Variants in TAPT1 observed in about 807,000 individuals in gnomAD.
TAPT1 encodes the protein transmembrane anterior posterior transformation 1.
In TAPT1, 28 loss-of-function variants were observed where a neutral mutation model predicts 65.6. The ratio of observed to expected loss-of-function variants is 0.43; its 90% CI spans 0.32 to 0.59. The LOEUF is 0.59. Ranked by LOEUF, TAPT1 falls within the 20% of genes least tolerant of loss-of-function variation. The pLI, the probability that TAPT1 is intolerant of heterozygous loss-of-function variation, is 0.09. For synonymous variants in TAPT1, 278 were observed against 245.2 expected (o/e 1.13, Z -1.25); for missense variants, 563 against 679.9 (o/e 0.83, Z 1.91).
chr4:16,188,607 T>C (rs1268829244), intron 4 of TAPT1, among the ~76,000 whole-genome samples: 1 of 152,124 alleles, frequency 6.6e-6, no homozygotes, highest in African/African-American at 2.4e-5. Flanking sequence ...AAGTCTTAAA[T>C]AGTGGCAAAA....
intron 12 of TAPT1, among the ~76,000 whole-genome samples, chr4:16,169,816 A>T (rs377141715): frequency 6.6e-6 from 1 of 152,212 alleles, no homozygotes; most frequent in African/African-American, 2.4e-5. Flanking sequence ...GGCAGGAAAC[A>T]ATGTGAAAAA....
intron 12 of TAPT1, among the ~76,000 whole-genome samples, chr4:16,169,874 C>T (rs1256674557): frequency 1.3e-5 from 2 of 152,218 alleles, no homozygotes; most frequent in South Asian, 4.1e-4. Flanking sequence ...ATCCACCGCT[C>T]AAGTTGTGAC....
intron 3 of TAPT1, among the ~76,000 whole-genome samples, chr4:16,193,250 G>A (rs1021880027): frequency 2.0e-5 from 3 of 152,204 alleles, no homozygotes; most frequent in African/African-American, 7.2e-5. Context: ...GCCTAAATAA[G>A]AGAGAGGTCA....
At chr4:16,190,361 TG>T (rs1438451835) in intron 4 of TAPT1, 2 of 151,644 alleles carry the variant, frequency 1.3e-5, no homozygotes, top group Non-Finnish European at 2.9e-5. Flanking sequence ...TTCCCCGAGA[TG>T]GAGTCTCGCT....
At chr4:16,226,030 T>G (rs1256001443) in intron 1 of TAPT1, 1 of 1,005,782 alleles carries the variant, frequency 9.9e-7, no homozygotes, top group Non-Finnish European at 1.2e-6. Flanking sequence ...ACACCTGGCC[T>G]GGCGCGGCCG....
intron 11 of TAPT1, among the ~76,000 whole-genome samples, chr4:16,172,860 T>C (rs1274030111): frequency 1.3e-5 from 2 of 152,068 alleles, no homozygotes; most frequent in African/African-American, 4.8e-5. Context: ...GTGTTGCTCT[T>C]GTTGCCTAGG....
intron 3 of TAPT1, among the ~76,000 whole-genome samples, chr4:16,197,576 A>G (rs1749788129): frequency 6.6e-6 from 1 of 152,234 alleles, no homozygotes; most frequent in South Asian, 2.1e-4. Context: ...CAATTCTACA[A>G]GCAAATTTGG....
In TAPT1 at chr4:16,213,749, A is replaced by G; in HGVS notation, c.330+19T>C. 1.3e-6 allele frequency: 2 copies of G among 1,534,428 alleles called. No individual in the cohort carries two copies. The highest frequency in any genetic ancestry group is 1.7e-6 in the Non-Finnish European group (2 of 1,148,926). ...CATAACTTTCAAAATGATGTCTGGT[A>G]ATGAAGAAAAAATAGTACCTTTTCC... On this transcript the variant is annotated intron_variant, in intron 2 of 13. Coordinates refer to ENST00000405303, the MANE Select transcript of TAPT1 (RefSeq NM_153365.3).
intron 3 of TAPT1, among the ~76,000 whole-genome samples, chr4:16,196,266 C>G (rs759709177): frequency 6.6e-6 from 1 of 152,082 alleles, no homozygotes; most frequent in Non-Finnish European, 1.5e-5. Flanking sequence ...ACTTTAATTT[C>G]AAACTATACT....
At chr4:16,211,369 T>C (rs1423674193) in intron 2 of TAPT1, among the ~76,000 whole-genome samples, 2 of 152,056 alleles carry the variant, frequency 1.3e-5, no homozygotes, top group East Asian at 1.9e-4. Context: ...ATCCTACTTA[T>C]AAAAAATAAA....
intron 1 of TAPT1, chr4:16,226,019 C>A: frequency 4.0e-6 from 4 of 1,003,848 alleles, no homozygotes; most frequent in Non-Finnish European, 4.7e-6. Flanking sequence ...CCTTCTAGGG[C>A]ACACCTGGCC....
chr4:16,191,588 T>G, intron 3 of TAPT1, 65 bp from the exon 4 acceptor site: 1 of 1,453,294 alleles, frequency 6.9e-7, no homozygotes, highest in Non-Finnish European at 9.3e-7. Context: ...AAAACAATAA[T>G]CTTTACTCGA....
Position 16,166,882 on chromosome 4 carries a change from G to T in TAPT1, c.1314-89C>A, listed in dbSNP as rs188860380. ...CTACTACCATGGCTAAGGAGAAGGTGGGGGGGCATGGGACGGTGACAGATT... is the reference window on the plus strand; with the variant it reads ...CTACTACCATGGCTAAGGAGAAGGTTGGGGGGCATGGGACGGTGACAGATT... On this transcript the variant is annotated intron_variant, in intron 12 of 13. Transcript: ENST00000405303. 2.2e-3 allele frequency: 2,907 copies of T among 1,296,356 alleles called. 53 individuals carry two copies. In the South Asian group the frequency reaches 0.027, roughly 12 times the overall value. The allele number at this position is 1,296,356 out of a possible 1,614,324, so 80.3% of individuals were successfully genotyped here.
chr4:16,206,549 T>C (rs1306369807), intron 2 of TAPT1, among the ~76,000 whole-genome samples: 4 of 151,674 alleles, frequency 2.6e-5, no homozygotes, highest in South Asian at 4.2e-4. Flanking sequence ...ACAGAGGTCT[T>C]AGCTGCGGCT....
chr4:16,210,843 T>C (rs1319517119), intron 2 of TAPT1, among the ~76,000 whole-genome samples: 3 of 152,172 alleles, frequency 2.0e-5, no homozygotes, highest in African/African-American at 4.8e-5. Flanking sequence ...AGGACATTTA[T>C]GGTGGAAGAG....
intron 3 of TAPT1, 98 bp from the exon 4 acceptor site, chr4:16,191,621 A>G: frequency 8.1e-7 from 1 of 1,236,094 alleles, no homozygotes; most frequent in South Asian, 1.7e-5. Context: ...TACAAAGGTA[A>G]AAATAAGAAT....
chr4:16,218,264 G>A (rs998933336), intron 1 of TAPT1, among the ~76,000 whole-genome samples: 1 of 152,134 alleles, frequency 6.6e-6, no homozygotes, highest in Non-Finnish European at 1.5e-5. Context: ...AATTAGCCAG[G>A]TGTGGTGGCA....
At chr4:16,186,681 G>A (rs1280021989) in intron 6 of TAPT1, 77 bp from the exon 7 acceptor site, 20 of 1,365,168 alleles carry the variant, frequency 1.5e-5, no homozygotes, top group Admixed American at 2.0e-5. Context: ...TAAAACTTCC[G>A]GGAGAACAAC....
At chr4:16,172,603 G>T (rs1002785107) in intron 11 of TAPT1, among the ~76,000 whole-genome samples, 3 of 152,036 alleles carry the variant, frequency 2.0e-5, no homozygotes, top group Admixed American at 1.3e-4. Context: ...AAATGTTTAG[G>T]GATGTGGTTG....
Sources: gnomAD v4.1 joint callset for allele counts (sites outside exome capture counted in the v4.1 genomes callset) on GRCh38, gnomAD v4.1.1 for gene constraint, MANE v1.5 for transcripts, NCBI Gene and HGNC (gene_info 2026-07-23, HGNC 2026-07-21) for gene names.